TRIM33: variants seen among roughly 807,000 people sequenced by gnomAD.
TRIM33 encodes the protein E3 ubiquitin-protein ligase TRIM33.
In TRIM33, 20 loss-of-function variants were observed where a neutral mutation model predicts 125.4. The observed-to-expected ratio is 0.16, with a 90% CI of 0.11 to 0.23. The LOEUF (loss-of-function observed/expected upper bound fraction) is 0.23. TRIM33 is among the 10% of genes least tolerant of loss of function. TRIM33 has a pLI of 1.00. For missense variants in TRIM33, 920 were observed against 1,411.4 expected (o/e 0.65, Z 5.58); for synonymous variants, 564 against 513.9 (o/e 1.10, Z -1.32).
intron 16 of TRIM33, among the ~76,000 whole-genome samples, chr1:114,401,770 A>G (rs1450854008): frequency 2.0e-5 from 3 of 152,226 alleles, no homozygotes; most frequent in African/African-American, 7.2e-5. Context: ...GGTAATAAAT[A>G]AATAAGTAAA....
At chr1:114,498,713 CAG>C (rs1491064585) in intron 1 of TRIM33, among the ~76,000 whole-genome samples, 65 of 151,964 alleles carry the variant, frequency 4.3e-4, no homozygotes, top group African/African-American at 1.5e-3. Flanking sequence ...TTCAGAATGT[CAG>C]TGGAGCAAGA....
rs549514835 is a variant in TRIM33, at chr1:114,456,118, G to A, written c.923+6986C>T. 2.8e-4 allele frequency among the ~76,000 whole-genome samples: 43 copies of A among 152,232 alleles called. No individual in the cohort carries two copies. The South Asian group carries it at 7.3e-3, about 26-fold the overall frequency. On this transcript the variant is annotated intron_variant, in intron 4 of 19. Transcript: ENST00000358465. The stretch of plus-strand genomic sequence containing the variant: ...AGCTGCCTTTATGTGAGGTGGTTAC[G>A]TCTTCATTACCTGAATGTACTATTG...
chr1:114,479,849 T>A (rs1367802373), intron 1 of TRIM33, among the ~76,000 whole-genome samples: 2 of 151,872 alleles, frequency 1.3e-5, no homozygotes, highest in African/African-American at 4.8e-5. Flanking sequence ...AGCTGCCCCG[T>A]CCGGGAGGGA....
intron 4 of TRIM33, among the ~76,000 whole-genome samples, chr1:114,461,901 T>C (rs1236513289): frequency 6.6e-6 from 1 of 152,166 alleles, no homozygotes; most frequent in South Asian, 2.1e-4. Context: ...TTAATAAATA[T>C]ACTGTAAAGC....
At chr1:114,497,848 C>T (rs1389474406) in intron 1 of TRIM33, among the ~76,000 whole-genome samples, 2 of 147,604 alleles carry the variant, frequency 1.4e-5, no homozygotes, top group Non-Finnish European at 1.5e-5. Context: ...ATCTATTGCT[C>T]GAGGAAGCCT....
At chr1:114,454,318 A>G (rs1649501607) in intron 4 of TRIM33, among the ~76,000 whole-genome samples, 1 of 152,198 alleles carries the variant, frequency 6.6e-6, no homozygotes, top group African/African-American at 2.4e-5. Flanking sequence ...AAAATTACCA[A>G]TGGAATTTAG....
chr1:114,407,224 G>A (rs962341199), intron 13 of TRIM33, 124 bp from the exon 14 acceptor site: 3 of 786,280 alleles, frequency 3.8e-6, no homozygotes, highest in Non-Finnish European at 5.9e-6. Context: ...CAGAAGATAA[G>A]GATACCTCAT....
chr1:114,493,481 C>A (rs956032962), intron 1 of TRIM33, among the ~76,000 whole-genome samples: 2 of 152,174 alleles, frequency 1.3e-5, no homozygotes, highest in African/African-American at 4.8e-5. Flanking sequence ...GACAGGATCT[C>A]ACTATGTTGC....
chr1:114,434,603 C>A (rs570599105), intron 4 of TRIM33, among the ~76,000 whole-genome samples: 1 of 152,232 alleles, frequency 6.6e-6, no homozygotes, highest in South Asian at 2.1e-4. Flanking sequence ...TTCTTTGCTA[C>A]TTTTATTTCC....
chr1:114,420,554 T>C (rs1653218637), intron 11 of TRIM33: 2 of 575,772 alleles, frequency 3.5e-6, no homozygotes, highest in East Asian at 5.6e-5. Context: ...TTGCTATTCA[T>C]ACGACCTTCA....
Position 114,424,590 on chromosome 1 carries a change from C to A in TRIM33, c.1860+1G>T. The A allele has an allele frequency of 6.4e-7, 1 of 1,566,900 alleles. No individual in the cohort carries two copies. The highest frequency in any genetic ancestry group is 2.1e-5 in the Admixed American group (1 of 48,728). The stretch of plus-strand genomic sequence containing the variant: ...TCTTACAAATGTAACTCTAGGCATA[C>A]TTGTCTTTGGAGGTGTGGCTGCATC... On this transcript the variant is annotated splice_donor_variant, in intron 10 of 19. Coordinates refer to ENST00000358465, the MANE Select transcript of TRIM33 (RefSeq NM_015906.4). LOFTEE classifies it high-confidence loss of function.
chr1:114,414,812 T>A (rs1285976615), intron 11 of TRIM33, among the ~76,000 whole-genome samples: 1 of 152,116 alleles, frequency 6.6e-6, no homozygotes, highest in African/African-American at 2.4e-5. Flanking sequence ...AATTTTCCTA[T>A]TAAGCATAAT....
At chr1:114,487,759 C>T (rs1651796736) in intron 1 of TRIM33, among the ~76,000 whole-genome samples, 3 of 150,224 alleles carry the variant, frequency 2.0e-5, no homozygotes, top group Admixed American at 6.6e-5. Context: ...TAGCCGGGCG[C>T]GGTGGCGGGC....
chr1:114,508,750 A>G (rs1653154746), intron 1 of TRIM33, among the ~76,000 whole-genome samples: 1 of 152,060 alleles, frequency 6.6e-6, no homozygotes. Flanking sequence ...CTCCATTCCC[A>G]TAGCCACTAT....
chr1:114,444,274 C>T (rs1371460726), intron 4 of TRIM33, among the ~76,000 whole-genome samples: 1 of 152,126 alleles, frequency 6.6e-6, no homozygotes, highest in African/African-American at 2.4e-5. Flanking sequence ...GTGAATTCCT[C>T]ACAAGTTCTT....
At chr1:114,500,917 G>A (rs1272556753) in intron 1 of TRIM33, among the ~76,000 whole-genome samples, 6 of 65,018 alleles carry the variant, frequency 9.2e-5, no homozygotes, top group South Asian at 4.6e-4. Flanking sequence ...GGGGCCGGGC[G>A]CGGTGGCTCA....
At chr1:114,398,898 C>CAAAAAAAAA (rs372853872) in intron 18 of TRIM33, among the ~76,000 whole-genome samples, 7 of 60,760 alleles carry the variant, frequency 1.2e-4, no homozygotes, top group Admixed American at 1.8e-4. Flanking sequence ...AACTTACCCT[C>CAAAAAAAAA]AAAAAAAAAA....
intron 4 of TRIM33, chr1:114,460,336 G>T: frequency 6.4e-6 from 1 of 155,516 alleles, no homozygotes; most frequent in South Asian, 1.7e-4. Flanking sequence ...AAAATACAAG[G>T]AAGAAACAAT....
At chr1:114,432,996 A>G (rs80033151) in intron 5 of TRIM33, among the ~76,000 whole-genome samples, 1,563 of 152,304 alleles carry the variant, frequency 0.01, 24 homozygotes, top group African/African-American at 0.035. Flanking sequence ...ATGCCAGCTC[A>G]AAGTGTTTGT....
Sources: allele counts gnomAD v4.1 joint callset (sites outside exome capture counted in the v4.1 genomes callset), GRCh38; gene constraint gnomAD v4.1.1; transcripts MANE v1.5; gene names NCBI Gene and HGNC (gene_info 2026-07-23, HGNC 2026-07-21).